Variants in EFNA5 observed in about 807,000 individuals in gnomAD.
EFNA5 encodes ephrin-A5.
Under a neutral mutation model 22.9 loss-of-function variants are expected in EFNA5, and 5 were observed. The observed-to-expected ratio is 0.22, with a 90% CI of 0.11 to 0.46. EFNA5 has a LOEUF of 0.46. Among genes scored for constraint, EFNA5 ranks in the 20% least tolerant of loss-of-function variants. EFNA5 has a pLI of 0.99. For missense variants in EFNA5, 237 were observed against 293.3 expected (o/e 0.81, Z 1.40); for synonymous variants, 113 against 112.2 (o/e 1.01, Z -0.04).
At chr5:107,404,570 G>A (rs1561371756) in intron 2 of EFNA5, among the ~76,000 whole-genome samples, 1 of 152,120 alleles carries the variant, frequency 6.6e-6, no homozygotes. Context: ...TTCGAGGCAG[G>A]TATTATTATC....
intron 1 of EFNA5, among the ~76,000 whole-genome samples, chr5:107,573,871 T>G (rs1748867292): frequency 6.6e-6 from 1 of 152,334 alleles, no homozygotes; most frequent in South Asian, 2.1e-4. Context: ...TGTCAAGACA[T>G]TTGCAATCTG....
chr5:107,661,511 C>T (rs1039240251), intron 1 of EFNA5, among the ~76,000 whole-genome samples: 3 of 152,198 alleles, frequency 2.0e-5, no homozygotes, highest in Non-Finnish European at 2.9e-5. Context: ...GGGCAGTGGC[C>T]ATGCTGTGCA....
At chr5:107,509,469 C>T (rs1033628083) in intron 1 of EFNA5, among the ~76,000 whole-genome samples, 17 of 150,950 alleles carry the variant, frequency 1.1e-4, no homozygotes, top group African/African-American at 4.1e-4. Flanking sequence ...CAAGCATGTG[C>T]CACCATGCTT....
chr5:107,590,127 G>C (rs1749286728), intron 1 of EFNA5, among the ~76,000 whole-genome samples: 1 of 152,122 alleles, frequency 6.6e-6, no homozygotes, highest in South Asian at 2.1e-4. Context: ...GAGTAGCATA[G>C]TCATATTGAG....
chr5:107,425,309 G>C (rs1748782467), intron 2 of EFNA5, among the ~76,000 whole-genome samples: 1 of 152,024 alleles, frequency 6.6e-6, no homozygotes, highest in Admixed American at 6.6e-5. Context: ...CCTCATCTTG[G>C]TGCTCTCTAT....
intron 1 of EFNA5, among the ~76,000 whole-genome samples, chr5:107,578,600 A>ATGG (rs138229280): frequency 0.18 from 27,691 of 152,116 alleles, 3,106 homozygotes; most frequent in African/African-American, 0.31. Flanking sequence ...TAAATGATAA[A>ATGG]TGGCCTACCT....
intron 1 of EFNA5, among the ~76,000 whole-genome samples, chr5:107,611,416 A>C (rs1037066309): frequency 6.6e-6 from 1 of 152,210 alleles, no homozygotes; most frequent in African/African-American, 2.4e-5. Context: ...TATGTTTGTA[A>C]AATTCCACGG....
Position 107,449,628 on chromosome 5 carries a change from A to G in EFNA5, c.126-22119T>C, listed in dbSNP as rs566607096. On this transcript the variant is annotated intron_variant, in intron 1 of 4. Transcript: ENST00000333274. ...GGTCACCATTTAATAATTTTCCCCA[A>G]GTATTTTCTGCACTGTTTCATGGAG... is the stretch of plus-strand genomic sequence containing the variant. 5.7e-4 allele frequency among the ~76,000 whole-genome samples: 87 copies of G among 152,276 alleles called. 1 individual carries two copies. Among genetic ancestry groups the G allele is most frequent in the Middle Eastern group, 3.4e-3 (1 of 294 alleles).
At chr5:107,387,581 T>G (rs1172442672) in intron 3 of EFNA5, 125 bp downstream of exon 3, 2 of 709,046 alleles carry the variant, frequency 2.8e-6, no homozygotes, top group Admixed American at 5.1e-5. Flanking sequence ...ATATGAATGT[T>G]GATATACAAA....
intron 2 of EFNA5, among the ~76,000 whole-genome samples, chr5:107,419,901 C>T (rs1332083577): frequency 6.6e-6 from 1 of 152,128 alleles, no homozygotes; most frequent in Non-Finnish European, 1.5e-5. Context: ...TCGAGTGTTT[C>T]ATTGTCAGAA....
intron 1 of EFNA5, among the ~76,000 whole-genome samples, chr5:107,565,606 T>A (rs1351263509): frequency 6.6e-6 from 1 of 152,216 alleles, no homozygotes; most frequent in Non-Finnish European, 1.5e-5. Context: ...TATATATACA[T>A]ATGTTTTATG....
chr5:107,531,552 G>A (rs1580515477), intron 1 of EFNA5, among the ~76,000 whole-genome samples: 1 of 152,138 alleles, frequency 6.6e-6, no homozygotes. Flanking sequence ...TGCCACCCTA[G>A]AGAACAGGAG....
In EFNA5 at chr5:107,377,040, A is replaced by G. The variant is rs976110040; in HGVS notation, c.*4215T>C. The G allele has an allele frequency of 7.2e-5, 11 of 152,010 alleles. No individual in the cohort carries two copies. Among genetic ancestry groups the G allele is most frequent in the African/African-American group, 2.7e-4 (11 of 41,362 alleles). The allele number at this position is 152,010 out of a possible 1,614,324, so 9.4% of individuals were successfully genotyped here. On this transcript the variant is annotated 3_prime_UTR_variant, in exon 5 of 5. Coordinates refer to ENST00000333274, the MANE Select transcript of EFNA5 (RefSeq NM_001962.3). Reference sequence around the variant, plus strand: ...GTTTATATAATGTCAGCATTTCAAAACAGCACTCGATGAGTAAGTGCAAAG... The same window carrying G: ...GTTTATATAATGTCAGCATTTCAAAGCAGCACTCGATGAGTAAGTGCAAAG...
At chr5:107,598,446 A>G (rs12656108) in intron 1 of EFNA5, among the ~76,000 whole-genome samples, 58,411 of 152,012 alleles carry the variant, frequency 0.38, 12,770 homozygotes, top group African/African-American at 0.59. Flanking sequence ...GACTAGTTAT[A>G]CTTAATATAG....
intron 1 of EFNA5, among the ~76,000 whole-genome samples, chr5:107,481,268 T>A (rs1468167431): frequency 1.3e-5 from 2 of 151,928 alleles, no homozygotes; most frequent in African/African-American, 2.4e-5. Context: ...CAGGAGTGAG[T>A]TGGGGAAACA....
At chr5:107,481,219 A>G (rs991491104) in intron 1 of EFNA5, among the ~76,000 whole-genome samples, 6 of 152,154 alleles carry the variant, frequency 3.9e-5, no homozygotes, top group African/African-American at 1.2e-4. Flanking sequence ...TATTCAGGAG[A>G]GTTTCAAGAA....
intron 1 of EFNA5, among the ~76,000 whole-genome samples, chr5:107,656,375 CTAAAATGTAAATT>C (rs1206297844): frequency 3.3e-5 from 5 of 152,046 alleles, no homozygotes; most frequent in African/African-American, 1.2e-4. Context: ...AAGATAAAAC[CTAAAATGTAAATT>C]CCTTTAAATA....
intron 1 of EFNA5, among the ~76,000 whole-genome samples, chr5:107,474,173 CTT>C (rs1334875096): frequency 6.6e-6 from 1 of 152,124 alleles, no homozygotes; most frequent in Non-Finnish European, 1.5e-5. Context: ...CTCTTGAAAA[CTT>C]GGATGATCAG....
At chr5:107,443,332 T>G (rs977449146) in intron 1 of EFNA5, among the ~76,000 whole-genome samples, 1 of 152,110 alleles carries the variant, frequency 6.6e-6, no homozygotes, top group African/African-American at 2.4e-5. Flanking sequence ...AAAGAGAAAT[T>G]TCTTGGGTGT....
Sources: allele counts gnomAD v4.1 joint callset (sites outside exome capture counted in the v4.1 genomes callset), GRCh38; gene constraint gnomAD v4.1.1; transcripts MANE v1.5; gene names NCBI Gene and HGNC (gene_info 2026-07-23, HGNC 2026-07-21).